The following AIM2 variants were observed in gnomAD, a reference collection of about 807,000 sequenced individuals.
The protein encoded by AIM2 is absent in melanoma 2.
In AIM2, 30 loss-of-function variants were observed where a neutral mutation model predicts 27.7. The ratio of observed to expected loss-of-function variants is 1.08; its 90% CI spans 0.81 to 1.47. The LOEUF (loss-of-function observed/expected upper bound fraction) is 1.47. Among genes scored for constraint, AIM2 ranks in the 40% most tolerant of loss-of-function variants. The probability of loss-of-function intolerance (pLI) is 0.00; values close to 1 mark genes in which losing one functional copy is unlikely to be tolerated. For missense variants in AIM2, 358 were observed against 411.3 expected, an observed-to-expected ratio of 0.87 and a Z score of 1.12; for synonymous variants, 141 against 145.3, an observed-to-expected ratio of 0.97 and a Z score of 0.21.
At position 159,068,662 on chromosome 1, in the gene AIM2, A is replaced by C; in HGVS notation, c.302T>G (p.Leu101Arg). 2 of 1,613,776 alleles carry C rather than the reference A, an allele frequency of 1.2e-6. No homozygotes were observed. Among genetic ancestry groups the C allele is most frequent in the Non-Finnish European group, 1.7e-6 (2 of 1,179,830 alleles). ...QYKSVTKPKP[L>R]SQAEMSPAAS... Reference sequence around the variant, plus strand: ...AGCAGGACTCATTTCAGCTTGACTTAGTGGCTTTGGTTTTGTTACCGATTT... The same window carrying C: ...AGCAGGACTCATTTCAGCTTGACTTCGTGGCTTTGGTTTTGTTACCGATTT... Residue 101 changes from leucine to arginine, a missense_variant, in exon 3 of 6, where the codon CTA becomes CGA. Coordinates refer to ENST00000368130, the MANE Select transcript of AIM2 (RefSeq NM_004833.3).
chr1:159,095,108 A>G (rs1657144595), intron 1 of AIM2, among the ~76,000 whole-genome samples: 1 of 152,264 alleles, frequency 6.6e-6, no homozygotes, highest in African/African-American at 2.4e-5. Flanking sequence ...TACAGGTATT[A>G]ACTCTTCTGC....
At position 159,115,260 on chromosome 1, in the gene AIM2, A is replaced by G. The variant is rs892331690; in HGVS notation, c.-16+25171T>C. Reference sequence around the variant, plus strand: ...TATCGTGAAAATGGCCATACTGCCCAAGGTAATTTATAGATTCAATGCCAT... The same window carrying G: ...TATCGTGAAAATGGCCATACTGCCCGAGGTAATTTATAGATTCAATGCCAT... On this transcript the variant is annotated intron_variant, in intron 1 of 2. Coordinates refer to the AIM2 transcript ENST00000368129. 3.2e-4 allele frequency among the ~76,000 whole-genome samples: 49 copies of G among 152,336 alleles called. 1 individual carries two copies. The highest frequency in any genetic ancestry group is 4.4e-5 in the Non-Finnish European group (3 of 68,034).
At chr1:159,089,375 TA>T (rs942619694) in intron 1 of AIM2, among the ~76,000 whole-genome samples, 1 of 152,146 alleles carries the variant, frequency 6.6e-6, no homozygotes, top group African/African-American at 2.4e-5. Context: ...TCCTAAGCAC[TA>T]AAAAACACTG....
At chr1:159,113,905 T>G (rs920424841) in intron 1 of AIM2, among the ~76,000 whole-genome samples, 1 of 152,216 alleles carries the variant, frequency 6.6e-6, no homozygotes, top group African/African-American at 2.4e-5. Context: ...CTTGACTAGC[T>G]CTTACTGTTT....
At chr1:159,097,845 C>A (rs535908994) in intron 1 of AIM2, among the ~76,000 whole-genome samples, 124 of 152,276 alleles carry the variant, frequency 8.1e-4, no homozygotes, top group Middle Eastern at 3.4e-3. Flanking sequence ...TCAAGAATTG[C>A]AGGCACTGAA....
chr1:159,142,387 G>A (rs551903347), upstream of AIM2, among the ~76,000 whole-genome samples: 6 of 152,182 alleles, frequency 3.9e-5, no homozygotes, highest in Non-Finnish European at 7.3e-5. Context: ...GTAAGTATGT[G>A]TGAACGTATA....
chr1:159,066,962 G>T (rs1324637184), intron 3 of AIM2, among the ~76,000 whole-genome samples: 1 of 151,786 alleles, frequency 6.6e-6, no homozygotes, highest in Non-Finnish European at 1.5e-5. Context: ...ATGCACTAAG[G>T]TTTATATTTA....
intron 1 of AIM2, among the ~76,000 whole-genome samples, chr1:159,136,711 G>A (rs1198866162): frequency 6.6e-6 from 1 of 152,150 alleles, no homozygotes; most frequent in East Asian, 1.9e-4. Flanking sequence ...CATAAACACT[G>A]CAATCATGTT....
At chr1:159,134,554 G>A (rs11582615) in intron 1 of AIM2, among the ~76,000 whole-genome samples, 19,853 of 152,208 alleles carry the variant, frequency 0.13, 1,904 homozygotes, top group South Asian at 0.28. Flanking sequence ...TCATCCGGCC[G>A]AGTGCGGTGG....
chr1:159,080,476 C>G (rs953640349), upstream of AIM2, among the ~76,000 whole-genome samples: 2 of 152,174 alleles, frequency 1.3e-5, no homozygotes, highest in Non-Finnish European at 2.9e-5. Context: ...GCCTCAATTT[C>G]AGAACTTTTG....
intron 1 of AIM2, among the ~76,000 whole-genome samples, chr1:159,091,400 T>G (rs1657039931): frequency 6.6e-6 from 1 of 152,228 alleles, no homozygotes. Context: ...TGGCAGGTTC[T>G]GCCTTTCCCT....
At chr1:159,113,491 T>C (rs187923816) in intron 1 of AIM2, among the ~76,000 whole-genome samples, 144 of 152,356 alleles carry the variant, frequency 9.5e-4, no homozygotes, top group Non-Finnish European at 1.6e-3. Context: ...ATGTACTTTC[T>C]TTTGTTTAGG....
At chr1:159,093,489 C>T (rs563913273) in intron 1 of AIM2, among the ~76,000 whole-genome samples, 2 of 152,244 alleles carry the variant, frequency 1.3e-5, no homozygotes, top group Non-Finnish European at 2.9e-5. Context: ...TATGACACAG[C>T]ACTCCCAGTC....
At chr1:159,075,028 A>G (rs2101990033) in intron 1 of AIM2, among the ~76,000 whole-genome samples, 1 of 152,330 alleles carries the variant, frequency 6.6e-6, no homozygotes, top group South Asian at 2.1e-4. Context: ...ATCAGGATGT[A>G]CTATCCCTAC....
chr1:159,146,734 C>A (rs988989320), intron 1 of AIM2, among the ~76,000 whole-genome samples: 1 of 152,140 alleles, frequency 6.6e-6, no homozygotes, highest in East Asian at 1.9e-4. Flanking sequence ...GTCTCTGCCC[C>A]CCTTAGCCAT....
Position 159,068,638 on chromosome 1 carries a change from GCAGGACT to G in AIM2, c.319_325del (p.Ser107LeufsTer51). 1 of 1,613,920 alleles carries G rather than the reference GCAGGACT, an allele frequency of 6.2e-7. No individual in the cohort carries two copies. Among genetic ancestry groups the G allele is most frequent in the Admixed American group, 1.7e-5 (1 of 59,974 alleles). On this transcript the variant is annotated frameshift_variant, in exon 3 of 6. Coordinates refer to ENST00000368130, the MANE Select transcript of AIM2 (RefSeq NM_004833.3). LOFTEE classifies it high-confidence loss of function. The stretch of plus-strand genomic sequence containing the variant: ...ATCATTTCTGATGGCTGCAGATGCA[GCAGGACT>G]CATTTCAGCTTGACTTAGTGGCTTT...
chr1:159,100,870 T>C lies in AIM2; in HGVS notation c.-15-34541A>G, dbSNP rs146204585. 7.2e-3 allele frequency among the ~76,000 whole-genome samples: 1,104 copies of C among 152,290 alleles called. 6 individuals are homozygous for C. The highest frequency in any genetic ancestry group is 0.011 in the Non-Finnish European group (716 of 68,012). On this transcript the variant is annotated intron_variant, in intron 1 of 2. Coordinates refer to the AIM2 transcript ENST00000368129. ...TGAGATAATGGAAGTGAAAAATCTT[T>C]GTAAAATCTAAAGGGCACTGAGGAT...
chr1:159,121,102 G>A (rs1412366657), intron 1 of AIM2, among the ~76,000 whole-genome samples: 2 of 152,138 alleles, frequency 1.3e-5, no homozygotes, highest in Non-Finnish European at 2.9e-5. Flanking sequence ...TTCTCAGCCA[G>A]AATCCAGCAC....
At chr1:159,056,480 T>G in the AIM2 span, among the ~76,000 whole-genome samples, 1 of 151,936 alleles carries the variant, frequency 6.6e-6, no homozygotes, top group African/African-American at 2.4e-5. Context: ...GGGGGTGCTG[T>G]TTCGGCAAAA....
Sources: gnomAD v4.1 joint callset for allele counts (sites outside exome capture counted in the v4.1 genomes callset) on GRCh38, gnomAD v4.1.1 for gene constraint, MANE v1.5 for transcripts, NCBI Gene and HGNC (gene_info 2026-07-23, HGNC 2026-07-21) for gene names.